The following AXL variants were observed in gnomAD, a reference collection of about 807,000 sequenced individuals.
AXL encodes the protein AXL receptor tyrosine kinase.
In AXL, 52 loss-of-function variants were observed where a neutral mutation model predicts 104.5. That is an observed-to-expected ratio of 0.50 (90% CI 0.40 to 0.63). The LOEUF (loss-of-function observed/expected upper bound fraction) is 0.63. Ranked by LOEUF, AXL falls within the 20% of genes least tolerant of loss-of-function variation. The pLI is 0.00. For synonymous variants in AXL, 455 were observed against 473.7 expected, an observed-to-expected ratio of 0.96 and a Z score of 0.51; for missense variants, 1,024 against 1,188.5, an observed-to-expected ratio of 0.86 and a Z score of 2.04.
In AXL at chr19:41,252,949, G is replaced by T. The variant is rs887413670; in HGVS notation, c.1908G>T (p.Arg636=). The T allele has an allele frequency of 9.3e-6, 15 of 1,614,080 alleles. No homozygotes were observed. Among genetic ancestry groups the T allele is most frequent in the Non-Finnish European group, 1.3e-5 (15 of 1,180,006 alleles). Residue 636 remains arginine (R), a synonymous_variant, in exon 16 of 20, where the codon CGG becomes CGT. Coordinates refer to ENST00000301178, the MANE Select transcript of AXL (RefSeq NM_021913.5). The part of the protein sequence containing the change: ...GDLHSFLLYS[R]LGDQPVYLPT... ...TACACAGCTTCCTCCTCTATTCCCG[G>T]CTCGGGGACCAGCCAGTGGTAAGGG...
At position 41,259,775 on chromosome 19, in the gene AXL, T is replaced by C. The variant is rs753219978; in HGVS notation, c.2556T>C (p.Cys852=). ...PPTQPDPKDS[C]SCLTAAEVHP... ...CCCAGCCAGACCCTAAGGATTCCTG[T>C]AGCTGCCTCACTGCGGCTGAGGTCC... is the stretch of plus-strand genomic sequence containing the variant. The change falls in exon 20 of 20, where the codon TGT becomes TGC. Residue 852 remains cysteine (C), a synonymous_variant. Transcript: ENST00000301178. The C allele has an allele frequency of 6.2e-7, 1 of 1,614,116 alleles. No homozygotes were observed. The highest frequency in any genetic ancestry group is 1.7e-5 in the Admixed American group (1 of 60,010).
At chr19:41,230,820 A>G (rs1026232020) in intron 4 of AXL, 147 bp from the exon 5 acceptor site, 17 of 805,498 alleles carry the variant, frequency 2.1e-5, no homozygotes, top group Non-Finnish European at 3.1e-5. Flanking sequence ...ATTGCCCTCA[A>G]CTCTGCTAAC....
intron 10 of AXL, among the ~76,000 whole-genome samples, chr19:41,241,544 A>C (rs1195609141): frequency 1.2e-5 from 1 of 84,852 alleles, no homozygotes; most frequent in Admixed American, 1.1e-4. Context: ...ACTCTGTCTC[A>C]AAAAAAAAAA....
intron 4 of AXL, among the ~76,000 whole-genome samples, chr19:41,227,923 G>A (rs567114710): frequency 2.0e-5 from 3 of 152,232 alleles, no homozygotes; most frequent in African/African-American, 7.2e-5. Context: ...ACAAAGGGGG[G>A]ATTCACGTTC....
Position 41,260,871 on chromosome 19 carries a change from TGA to T in AXL, c.*971_*972del, listed in dbSNP as rs1157696643. 2.0e-5 allele frequency: 3 copies of T among 152,194 alleles called. No individual in the cohort carries two copies. The highest frequency in any genetic ancestry group is 1.9e-4 in the East Asian group (1 of 5,198). The allele number at this position is 152,194 out of a possible 1,614,324, so 9.4% of individuals were successfully genotyped here. A position where few individuals can be genotyped will look rare whatever the true frequency, so the allele number is the denominator to read the frequency against. On this transcript the variant is annotated 3_prime_UTR_variant, in exon 20 of 20. Transcript: ENST00000301178. ...TCTAAAATGTGATGTTCTAAGGCTC[TGA>T]GAGTCTAGATTCTCTGGCTGTAAGG... is the stretch of plus-strand genomic sequence containing the variant.
chr19:41,230,848 G>A, intron 4 of AXL, 119 bp from the exon 5 acceptor site: 1 of 995,644 alleles, frequency 1.0e-6, no homozygotes, highest in Non-Finnish European at 1.6e-6. Flanking sequence ...TCAGGCAAGT[G>A]CCTGTGTGGG....
intron 10 of AXL, among the ~76,000 whole-genome samples, chr19:41,241,167 A>G (rs2034174494): frequency 6.6e-6 from 1 of 151,758 alleles, no homozygotes; most frequent in Admixed American, 6.6e-5. Flanking sequence ...CACACCCCCA[A>G]CTTTTCCAGC....
chr19:41,221,793 GC>G, intron 3 of AXL, 86 bp from the exon 4 acceptor site: 1 of 1,452,596 alleles, frequency 6.9e-7, no homozygotes, highest in Admixed American at 2.4e-5. Context: ...TGGGTTTGCT[GC>G]CCAAAGCCTA....
Position 41,220,764 on chromosome 19 carries a change from G to A in AXL, c.214G>A (p.Asp72Asn). ...GEPPEVHWLR[D>N]GQILELADST... Reference sequence around the variant, plus strand: ...GCCCCCCGAGGTACATTGGCTTCGGGATGGACAGATCCTGGAGCTCGCGGA... The same window carrying A: ...GCCCCCCGAGGTACATTGGCTTCGGAATGGACAGATCCTGGAGCTCGCGGA... The change falls in exon 2 of 20, where the codon GAT (aspartate) becomes AAT (asparagine). Residue 72 changes from aspartate to asparagine, a missense_variant. Coordinates refer to ENST00000301178, the MANE Select transcript of AXL (RefSeq NM_021913.5). 6.2e-7 allele frequency: 1 copy of A among 1,614,190 alleles called. No homozygotes were observed. The highest frequency in any genetic ancestry group is 8.5e-7 in the Non-Finnish European group (1 of 1,180,026).
At chr19:41,226,156 C>A (rs1390892235) in intron 4 of AXL, among the ~76,000 whole-genome samples, 2 of 152,206 alleles carry the variant, frequency 1.3e-5, no homozygotes, top group Non-Finnish European at 2.9e-5. Flanking sequence ...GCCCCCGAAG[C>A]CGGCCGGAAG....
At chr19:41,241,557 A>AT (rs2034182418) in intron 10 of AXL, among the ~76,000 whole-genome samples, 1 of 150,542 alleles carries the variant, frequency 6.6e-6, no homozygotes, top group Admixed American at 6.6e-5. Context: ...AAAAAAAAAA[A>AT]AAGAAAGAAA....
chr19:41,253,842 C>T (rs1028620536), intron 17 of AXL, 134 bp downstream of exon 17: 11 of 705,568 alleles, frequency 1.6e-5, no homozygotes, highest in Non-Finnish European at 2.7e-5. Context: ...CCAGGAAAGT[C>T]AGTAAGGGGG....
chr19:41,243,607 C>G lies in AXL; in HGVS notation c.1446-9C>G, dbSNP rs139678321. On this transcript the variant is annotated splice_polypyrimidine_tract_variant and intron_variant, in intron 11 of 19. Coordinates refer to ENST00000301178, the MANE Select transcript of AXL (RefSeq NM_021913.5). ...TTCCCTGCCCTCACCTACTCCCCCT[C>G]CCCCCCAGAGAAGTGTTTGAACCAA... is the stretch of plus-strand genomic sequence containing the variant. The G allele has an allele frequency of 8.7e-6, 14 of 1,607,152 alleles. No homozygotes were observed. Among genetic ancestry groups the G allele is most frequent in the Non-Finnish European group, 1.2e-5 (14 of 1,173,972 alleles).
intron 1 of AXL, among the ~76,000 whole-genome samples, chr19:41,220,068 GTC>G (rs140305398): frequency 1.1e-4 from 17 of 151,558 alleles, no homozygotes; most frequent in East Asian, 3.9e-4. Context: ...TGCTCTCTGA[GTC>G]TCTCTCTCTC....
chr19:41,250,394 G>A (rs1373482705), intron 14 of AXL, among the ~76,000 whole-genome samples: 2 of 152,142 alleles, frequency 1.3e-5, no homozygotes, highest in African/African-American at 4.8e-5. Flanking sequence ...CCACTCATTC[G>A]TTCATTATGG....
chr19:41,231,013 G>A lies in AXL; in HGVS notation c.633G>A (p.Lys211=). 1.9e-6 allele frequency: 3 copies of A among 1,613,990 alleles called. No individual in the cohort carries two copies. The highest frequency in any genetic ancestry group is 2.5e-6 in the Non-Finnish European group (3 of 1,179,930). The change falls in exon 5 of 20, where the codon AAG becomes AAA. Residue 211 remains lysine (K), a synonymous_variant. Coordinates refer to ENST00000301178, the MANE Select transcript of AXL (RefSeq NM_021913.5). Reference sequence around the variant, plus strand: ...TCTCCTGCGAAGCCCATAACGCCAAGGGGGTCACCACATCCCGCACAGCCA... The same window carrying A: ...TCTCCTGCGAAGCCCATAACGCCAAAGGGGTCACCACATCCCGCACAGCCA... The part of the protein sequence containing the change: ...SSFSCEAHNA[K]GVTTSRTATI...
intron 4 of AXL, among the ~76,000 whole-genome samples, chr19:41,224,100 G>A (rs2033838575): frequency 6.6e-6 from 1 of 152,062 alleles, no homozygotes; most frequent in Non-Finnish European, 1.5e-5. Flanking sequence ...GGGTGTCTGT[G>A]TGTGTGCGCA....
intron 3 of AXL, chr19:41,221,573 CCT>C (rs1215587573): frequency 6.0e-6 from 3 of 502,334 alleles, no homozygotes; most frequent in East Asian, 3.6e-5. Context: ...GCAACGTACC[CCT>C]GTCCCCACGA....
intron 10 of AXL, among the ~76,000 whole-genome samples, chr19:41,240,708 C>T (rs767343322): frequency 1.9e-4 from 29 of 152,078 alleles, no homozygotes; most frequent in African/African-American, 6.5e-4. Flanking sequence ...CATTATAATC[C>T]GTTCCTCCCA....
Sources: gnomAD v4.1 joint callset for allele counts (sites outside exome capture counted in the v4.1 genomes callset) on GRCh38, gnomAD v4.1.1 for gene constraint, MANE v1.5 for transcripts, NCBI Gene and HGNC (gene_info 2026-07-23, HGNC 2026-07-21) for gene names.